The following FAAH2 variants were observed in gnomAD, a reference collection of about 807,000 sequenced individuals.
FAAH2 encodes the protein fatty acid amide hydrolase 2.
Under a neutral mutation model 36.9 loss-of-function variants are expected in FAAH2, and 60 were observed. The observed-to-expected ratio is 1.63, with a 90% CI of 1.32 to 2.02. The LOEUF (loss-of-function observed/expected upper bound fraction) is 2.02, where lower values mean the gene tolerates loss of function less well. Among genes scored for constraint, FAAH2 ranks in the 30% most tolerant of loss-of-function variants. FAAH2 has a pLI of 0.00. For missense variants in FAAH2, 689 were observed against 397.5 expected (o/e 1.73, Z -6.23); for synonymous variants, 214 against 143.8 (o/e 1.49, Z -3.49).
the FAAH2 span, among the ~76,000 whole-genome samples, chrX:57,249,535 G>T: frequency 8.9e-6 from 1 of 112,017 alleles, no homozygotes; most frequent in Non-Finnish European, 1.9e-5. Context: ...GTGCATGCAG[G>T]CATATAGCTT....
At chrX:57,456,918 A>G in intron 10 of FAAH2, among the ~76,000 whole-genome samples, 1 of 112,042 alleles carries the variant, frequency 8.9e-6, no homozygotes, top group South Asian at 3.7e-4. Context: ...ATCGAAGAAG[A>G]GTCTTCTCCC....
chrX:57,438,349 T>C (rs1253274761), intron 8 of FAAH2, among the ~76,000 whole-genome samples: 3 of 105,913 alleles, frequency 2.8e-5, no homozygotes, highest in Non-Finnish European at 5.8e-5. Context: ...AAACATCCCA[T>C]GCTATTGGAT....
At chrX:57,486,234 C>T (rs6611626) in intron 10 of FAAH2, among the ~76,000 whole-genome samples, 58,609 of 110,439 alleles carry the variant, frequency 0.53, 13,779 homozygotes, top group Non-Finnish European at 0.73. Context: ...TGGGACAAGA[C>T]ACATTAGGTA....
the FAAH2 span, among the ~76,000 whole-genome samples, chrX:57,216,116 T>A: frequency 9.2e-6 from 1 of 108,167 alleles, no homozygotes; most frequent in Non-Finnish European, 1.9e-5. Context: ...TAAATTTACA[T>A]TTTTTTTAAA....
At chrX:57,363,744 G>A (rs1382999586) in intron 5 of FAAH2, among the ~76,000 whole-genome samples, 1 of 110,566 alleles carries the variant, frequency 9.0e-6, no homozygotes, top group African/African-American at 3.3e-5. Flanking sequence ...GTTCTATGGT[G>A]CCTAATTTTT....
chrX:57,261,552 CAAAAAAAAAAAAAAAA>C, the FAAH2 span, among the ~76,000 whole-genome samples: 1 of 23,386 alleles, frequency 4.3e-5, no homozygotes, highest in African/African-American at 1.9e-4. Context: ...GACTCTGTCT[CAAAAAAAAAAAAAAAA>C]AAAAAAAGAA....
At chrX:57,389,291 C>CAT (rs1471679788) in intron 7 of FAAH2, among the ~76,000 whole-genome samples, 2 of 61,963 alleles carry the variant, frequency 3.2e-5, no homozygotes, top group Non-Finnish European at 3.9e-5. Flanking sequence ...CACACACACA[C>CAT]ACATATATAT....
chrX:57,153,599 CTG>C, the FAAH2 span, among the ~76,000 whole-genome samples: 3 of 112,140 alleles, frequency 2.7e-5, no homozygotes, highest in Non-Finnish European at 3.8e-5. Context: ...CTAAAAAACA[CTG>C]TGTCTTTTCT....
At chrX:57,299,639 T>C (rs1326914333) in intron 2 of FAAH2, among the ~76,000 whole-genome samples, 2 of 111,884 alleles carry the variant, frequency 1.8e-5, no homozygotes, top group East Asian at 5.6e-4. Flanking sequence ...TAAAGGACAT[T>C]CAATTAGGAA....
intron 6 of FAAH2, 74 bp from the exon 7 acceptor site, chrX:57,380,838 T>A: frequency 1.6e-6 from 1 of 613,422 alleles, no homozygotes; most frequent in Non-Finnish European, 2.5e-6. Context: ...GAGCTGAAGC[T>A]CAGATGTCAG....
At chrX:57,152,872 G>A in the FAAH2 span, among the ~76,000 whole-genome samples, 1 of 110,870 alleles carries the variant, frequency 9.0e-6, no homozygotes, top group Non-Finnish European at 1.9e-5. Context: ...CACACTGGGA[G>A]ATGTAGACTG....
At chrX:57,185,430 C>A in the FAAH2 span, among the ~76,000 whole-genome samples, 1 of 110,328 alleles carries the variant, frequency 9.1e-6, no homozygotes, top group Non-Finnish European at 1.9e-5. Flanking sequence ...ATTTTTATGG[C>A]TGAATAGAAA....
chrX:57,446,408 C>T (rs763670413), intron 8 of FAAH2, among the ~76,000 whole-genome samples: 53 of 112,169 alleles, frequency 4.7e-4, no homozygotes, highest in Non-Finnish European at 8.1e-4. Context: ...CTACACTTCC[C>T]TATAACAGGT....
the FAAH2 span, among the ~76,000 whole-genome samples, chrX:57,195,680 G>A: frequency 6.3e-5 from 7 of 111,940 alleles, no homozygotes; most frequent in East Asian, 8.4e-4. Context: ...CTTTGCCTAA[G>A]CCAATGTCTA....
At chrX:57,185,491 T>TGTGTGTGTGC in the FAAH2 span, among the ~76,000 whole-genome samples, 312 of 74,097 alleles carry the variant, frequency 4.2e-3, 1 homozygote, top group African/African-American at 0.019. Flanking sequence ...TCTGTCTCTG[T>TGTGTGTGTGC]GTGTGTGTGT....
At chrX:57,391,713 C>A (rs2055170637) in intron 7 of FAAH2, among the ~76,000 whole-genome samples, 1 of 111,043 alleles carries the variant, frequency 9.0e-6, no homozygotes, top group Non-Finnish European at 1.9e-5. Flanking sequence ...ACCATACAGT[C>A]TTTGTTACTA....
At chrX:57,437,045 G>C (rs1263256731) in intron 8 of FAAH2, among the ~76,000 whole-genome samples, 2 of 110,946 alleles carry the variant, frequency 1.8e-5, no homozygotes, top group East Asian at 2.8e-4. Flanking sequence ...AAACAAGTGG[G>C]TTTTATATTA....
intron 8 of FAAH2, among the ~76,000 whole-genome samples, chrX:57,446,219 A>G (rs1179234652): frequency 8.9e-6 from 1 of 112,087 alleles, no homozygotes; most frequent in African/African-American, 3.2e-5. Context: ...GCAATGCAAG[A>G]CCATCTTTCC....
the FAAH2 span, among the ~76,000 whole-genome samples, chrX:57,189,382 C>T: frequency 2.7e-5 from 3 of 110,376 alleles, no homozygotes; most frequent in Non-Finnish European, 3.8e-5. Flanking sequence ...CTGAAGCCTA[C>T]TTCTTTCAAT....
Sources: gnomAD v4.1 joint callset for allele counts (sites outside exome capture counted in the v4.1 genomes callset) on GRCh38, gnomAD v4.1.1 for gene constraint, MANE v1.5 for transcripts, NCBI Gene and HGNC (gene_info 2026-07-23, HGNC 2026-07-21) for gene names.